BRAF: variants seen among roughly 807,000 people sequenced by gnomAD.
BRAF encodes serine/threonine-protein kinase B-raf.
In BRAF, 16 loss-of-function variants were observed where a neutral mutation model predicts 104.6. The observed-to-expected ratio is 0.15, with a 90% CI of 0.10 to 0.23. The LOEUF (loss-of-function observed/expected upper bound fraction) is 0.23, where lower values mean the gene tolerates loss of function less well. Among genes scored for constraint, BRAF ranks in the 10% least tolerant of loss-of-function variants. BRAF has a pLI of 1.00. For synonymous variants in BRAF, 310 were observed against 341.6 expected, an observed-to-expected ratio of 0.91 and a Z score of 1.02; for missense variants, 541 against 937.3, an observed-to-expected ratio of 0.58 and a Z score of 5.52.
chr7:140,831,502 T>C (rs1035904146), intron 3 of BRAF, among the ~76,000 whole-genome samples: 9 of 152,214 alleles, frequency 5.9e-5, no homozygotes, highest in African/African-American at 2.2e-4. Flanking sequence ...AAACGACTTT[T>C]AGAGCTTTTT....
rs560504464 is a variant in BRAF at position 140,835,798 on chromosome 7, A to T, written c.241-926T>A. ...TCTTTTTGGCATTGGTAATCCCCTC[A>T]CTCACACCATGCTCTACTATTTCTA... is the stretch of plus-strand genomic sequence containing the variant. On this transcript the variant is annotated intron_variant, in intron 2 of 19. Transcript: ENST00000644969. The T allele has an allele frequency of 3.3e-5, 5 of 152,276 alleles. No homozygotes were observed. The East Asian group carries it at 9.6e-4, about 29-fold the overall frequency. The allele number at this position is 152,276 out of a possible 1,614,324, so 9.4% of individuals were successfully genotyped here. A position where few individuals can be genotyped will look rare whatever the true frequency, so the allele number is the denominator to read the frequency against.
At chr7:140,866,888 G>A (rs1811023777) in intron 1 of BRAF, among the ~76,000 whole-genome samples, 1 of 151,932 alleles carries the variant, frequency 6.6e-6, no homozygotes, top group Non-Finnish European at 1.5e-5. Context: ...AGAGCACTTT[G>A]TAAGACAGTG....
At position 140,753,370 on chromosome 7, in the gene BRAF, T is replaced by C. The variant is rs749287111; in HGVS notation, c.1885A>G (p.Thr629Ala). ...SNNIFLHEDL[T>A]VKIGDFGLAT... ...AGACCAAAATCACCTATTTTTACTGTGAGGTCTTCATGAAGAAATATATCT... is the reference window on the plus strand; with the variant it reads ...AGACCAAAATCACCTATTTTTACTGCGAGGTCTTCATGAAGAAATATATCT... The change falls in exon 16 of 20, where the codon ACA becomes GCA. Residue 629 changes from threonine to alanine, a missense_variant. By Grantham distance (58) the Thr-to-Ala change is moderately conservative. This residue lies in a region of BRAF where 129 missense variants were observed against 285.8 expected (regional missense o/e 0.45). Transcript: ENST00000644969. 2 of 1,608,530 alleles carry C rather than the reference T, an allele frequency of 1.2e-6. No homozygotes were observed. Among genetic ancestry groups the C allele is most frequent in the Admixed American group, 3.3e-5 (2 of 59,978 alleles).
Position 140,924,771 on chromosome 7 carries a change from T to TGGGGGAGGCGGAGGCGGA in BRAF, c.-86_-69dup. 2 of 569,290 alleles carry TGGGGGAGGCGGAGGCGGA rather than the reference T, an allele frequency of 3.5e-6. No homozygotes were observed. The highest frequency in any genetic ancestry group is 6.1e-6 in the Non-Finnish European group (2 of 330,272). The allele number at this position is 569,290 out of a possible 1,614,324, so 35.3% of individuals were successfully genotyped here. A position where few individuals can be genotyped will look rare whatever the true frequency, so the allele number is the denominator to read the frequency against. ...GGGAGGGGGAAGGGAGGCGGAGAGC[T>TGGGGGAGGCGGAGGCGGA]GGGGGAGGCGGAGGCGGAGGCGGAG... On this transcript the variant is annotated 5_prime_UTR_variant, in exon 1 of 20. Transcript: ENST00000644969. This position sits in a 1 kb window ranked among gnomAD's most constrained non-coding sequence, Gnocchi z 4.2.
intron 1 of BRAF, among the ~76,000 whole-genome samples, chr7:140,914,212 T>C (rs1022477559): frequency 2.0e-5 from 3 of 152,264 alleles, no homozygotes; most frequent in African/African-American, 7.2e-5. Context: ...TTTATTTTCA[T>C]AGCACTCCTA....
At chr7:140,866,629 A>G (rs1187761999) in intron 1 of BRAF, among the ~76,000 whole-genome samples, 4 of 152,214 alleles carry the variant, frequency 2.6e-5, no homozygotes, top group African/African-American at 9.6e-5. Context: ...GGCTAGAGAA[A>G]TAATAGTTAA....
chr7:140,903,178 G>A (rs772840600), intron 1 of BRAF, among the ~76,000 whole-genome samples: 3 of 151,718 alleles, frequency 2.0e-5, no homozygotes, highest in Non-Finnish European at 2.9e-5. Flanking sequence ...CGCCCACCTC[G>A]GCCTCCCAAA....
intron 2 of BRAF, among the ~76,000 whole-genome samples, chr7:140,838,871 G>GT (rs1807627703): frequency 6.6e-6 from 1 of 152,166 alleles, no homozygotes; most frequent in Non-Finnish European, 1.5e-5. Flanking sequence ...TGCATGAAGG[G>GT]TTTCTTTGTG....
At position 140,722,476 on chromosome 7, in the gene BRAF, C is replaced by A; in HGVS notation, c.*4018G>T. On this transcript the variant is annotated 3_prime_UTR_variant, in exon 20 of 20. Transcript: ENST00000644969. ...AATTGTCAAGGTATTTTTCTAGAGC[C>A]TCACCTACACCATTTCAACTCATGA... The A allele has an allele frequency of 9.5e-7, 1 of 1,055,374 alleles. No homozygotes were observed. 65.4% of individuals were successfully genotyped at this position (1,055,374 alleles called of 1,614,324 possible).
intron 1 of BRAF, among the ~76,000 whole-genome samples, chr7:140,908,207 G>C (rs1816554833): frequency 6.6e-6 from 1 of 152,042 alleles, no homozygotes; most frequent in Non-Finnish European, 1.5e-5. Flanking sequence ...TGCATGCTTG[G>C]TTATTATTTT....
At position 140,719,777 on chromosome 7, in the gene BRAF, G is replaced by A; in HGVS notation, c.*6717C>T. The A allele has an allele frequency of 1.9e-6, 2 of 1,062,624 alleles. No individual in the cohort carries two copies. The highest frequency in any genetic ancestry group is 2.3e-6 in the Non-Finnish European group (2 of 877,664). 65.8% of individuals were successfully genotyped at this position (1,062,624 alleles called of 1,614,324 possible). On this transcript the variant is annotated 3_prime_UTR_variant, in exon 20 of 20. Coordinates refer to ENST00000644969, the MANE Select transcript of BRAF (RefSeq NM_001374258.1). ...ATTTTTGCAAAGCAGGTATAGAGAG[G>A]TCTGTGGACAATTAAAAAGTCCCCA...
intron 2 of BRAF, among the ~76,000 whole-genome samples, chr7:140,844,286 T>C (rs1435014283): frequency 6.6e-6 from 1 of 152,194 alleles, no homozygotes; most frequent in Non-Finnish European, 1.5e-5. Context: ...GGCTATTGTA[T>C]TTTTAATTTC....
At chr7:140,906,693 CATT>C (rs1816365590) in intron 1 of BRAF, among the ~76,000 whole-genome samples, 1 of 152,134 alleles carries the variant, frequency 6.6e-6, no homozygotes, top group Non-Finnish European at 1.5e-5. Context: ...ATTTTACCCT[CATT>C]GTAGAGGGAT....
In BRAF at chr7:140,725,096, AACCTTTTGAAG is replaced by A; in HGVS notation, c.*1387_*1397del. On this transcript the variant is annotated 3_prime_UTR_variant, in exon 20 of 20. Coordinates refer to ENST00000644969, the MANE Select transcript of BRAF (RefSeq NM_001374258.1). The stretch of plus-strand genomic sequence containing the variant: ...TGGGAATTCAGCTGCCAAATTGCCC[AACCTTTTGAAG>A]ACCAGGCTTGGGAAAAAAGGAAGAA... 1 of 1,044,352 alleles carries A rather than the reference AACCTTTTGAAG, an allele frequency of 9.6e-7. No individual in the cohort carries two copies. Among genetic ancestry groups the A allele is most frequent in the Non-Finnish European group, 1.2e-6 (1 of 866,118 alleles). The allele number at this position is 1,044,352 out of a possible 1,614,324, so 64.7% of individuals were successfully genotyped here.
intron 7 of BRAF, among the ~76,000 whole-genome samples, chr7:140,797,793 T>A (rs1802642123): frequency 6.6e-6 from 1 of 152,168 alleles, no homozygotes. Flanking sequence ...GGCATCATGG[T>A]CTACAGAATC....
chr7:140,913,586 G>A (rs1817258364), intron 1 of BRAF, among the ~76,000 whole-genome samples: 1 of 143,036 alleles, frequency 7.0e-6, no homozygotes. Context: ...TGATTGAAGC[G>A]ATTCTCTTGC....
At chr7:140,770,527 CA>C (rs35621209) in intron 14 of BRAF, among the ~76,000 whole-genome samples, 742 of 63,578 alleles carry the variant, frequency 0.012, 2 homozygotes, top group African/African-American at 0.023. Flanking sequence ...TAAGGCCTGC[CA>C]AAAAAAAAAA....
rs930266158 is a variant in BRAF at position 140,893,449 on chromosome 7, C to T, written c.138+31117G>A. ...TATTTTCAGTGGAGACGGGGTTTCA[C>T]CATGTTAGCCAGGATGGTCTCGATC... On this transcript the variant is annotated intron_variant, in intron 1 of 19. Transcript: ENST00000644969. 1.8e-4 allele frequency among the ~76,000 whole-genome samples: 28 copies of T among 152,014 alleles called. 1 individual carries two copies. The highest frequency in any genetic ancestry group is 6.6e-4 in the Admixed American group (10 of 15,258).
rs978701697 is a variant in BRAF, at chr7:140,868,907, A to G, written c.139-18695T>C. On this transcript the variant is annotated intron_variant, in intron 1 of 19. Transcript: ENST00000644969. Reference sequence around the variant, plus strand: ...TATCAGACTGATAGTGGAAGAGATGATAAGATGTGTCAGATGCTAAATATA... The same window carrying G: ...TATCAGACTGATAGTGGAAGAGATGGTAAGATGTGTCAGATGCTAAATATA... Among the ~76,000 whole-genome samples, 7 of 152,192 alleles carry G rather than the reference A, an allele frequency of 4.6e-5. No homozygotes were observed. In the South Asian group the frequency reaches 6.2e-4, roughly 13 times the overall value.
Sources: allele counts gnomAD v4.1 joint callset (sites outside exome capture counted in the v4.1 genomes callset), GRCh38; gene constraint gnomAD v4.1.1; regional missense constraint gnomAD v4.1.1; non-coding constraint Gnocchi (gnomAD v3.1); transcripts MANE v1.5; gene names NCBI Gene and HGNC (gene_info 2026-07-23, HGNC 2026-07-21).